TMEM272: variants seen among roughly 807,000 people sequenced by gnomAD.
TMEM272 encodes the protein transmembrane protein 272, also known as long intergenic non-protein coding RNA 282.
TMEM272 carries 8 observed loss-of-function variants against 3.7 expected under a neutral mutation model. The observed-to-expected ratio is 2.17, with a 90% CI of 1.27 to 3.91. The LOEUF (loss-of-function observed/expected upper bound fraction) is 3.91. Among genes scored for constraint, TMEM272 ranks in the 30% most tolerant of loss-of-function variants. The pLI is 0.00. For synonymous variants in TMEM272, 63 were observed against 39.8 expected, an observed-to-expected ratio of 1.58 and a Z score of -2.20; for missense variants, 166 against 91.5, an observed-to-expected ratio of 1.81 and a Z score of -3.32.
At chr13:51,839,382 T>A (rs1593599348) in intron 1 of TMEM272, among the ~76,000 whole-genome samples, 1 of 152,094 alleles carries the variant, frequency 6.6e-6, no homozygotes, top group East Asian at 1.9e-4. Flanking sequence ...TGAGGCTGGG[T>A]GTGCGTAGTT....
chr13:51,865,257 T>C, the TMEM272 span: 1 of 700,492 alleles, frequency 1.4e-6, no homozygotes, highest in Non-Finnish European at 2.3e-6. Context: ...TTTTCTCAAA[T>C]TCAGTAGTAC....
At chr13:51,821,520 A>C (rs1447801476) in intron 4 of TMEM272, among the ~76,000 whole-genome samples, 2 of 152,204 alleles carry the variant, frequency 1.3e-5, no homozygotes. Flanking sequence ...GAATACTTTA[A>C]TAGTTGATTG....
the TMEM272 span, among the ~76,000 whole-genome samples, chr13:51,878,371 G>A: frequency 6.6e-6 from 1 of 152,080 alleles, no homozygotes; most frequent in Non-Finnish European, 1.5e-5. Context: ...CGGAGGTTGC[G>A]GTGAGCCGAG....
chr13:51,848,506 G>C (rs1416057437), upstream of TMEM272, among the ~76,000 whole-genome samples: 2 of 152,086 alleles, frequency 1.3e-5, no homozygotes, highest in Non-Finnish European at 2.9e-5. Context: ...ATAAAAGTGA[G>C]TTCATTCATT....
chr13:51,897,036 T>A, the TMEM272 span, among the ~76,000 whole-genome samples: 1 of 152,172 alleles, frequency 6.6e-6, no homozygotes, highest in Non-Finnish European at 1.5e-5. Context: ...ATAAACTTCA[T>A]GTTCAGGTTG....
the TMEM272 span, among the ~76,000 whole-genome samples, chr13:51,900,174 G>T: frequency 6.6e-6 from 1 of 152,126 alleles, no homozygotes; most frequent in Non-Finnish European, 1.5e-5. Flanking sequence ...ATCTTTTGTG[G>T]TTTAAAGCAC....
the TMEM272 span, among the ~76,000 whole-genome samples, chr13:51,891,646 T>A: frequency 6.6e-6 from 1 of 152,284 alleles, no homozygotes; most frequent in East Asian, 1.9e-4. Flanking sequence ...ATTATTTTCC[T>A]CAGTGACATG....
the TMEM272 span, among the ~76,000 whole-genome samples, chr13:51,888,344 C>A: frequency 6.6e-6 from 1 of 152,288 alleles, no homozygotes; most frequent in African/African-American, 2.4e-5. Flanking sequence ...CTGCGCCCAG[C>A]CTACTTGACT....
the TMEM272 span, among the ~76,000 whole-genome samples, chr13:51,894,942 C>A: frequency 6.6e-6 from 1 of 151,750 alleles, no homozygotes; most frequent in African/African-American, 2.4e-5. Flanking sequence ...GACAGATCAT[C>A]AGGTGTTAGA....
the TMEM272 span, among the ~76,000 whole-genome samples, chr13:51,858,362 T>C: frequency 6.6e-6 from 1 of 152,146 alleles, no homozygotes. Flanking sequence ...TCTTAGCAAA[T>C]TGAAATGATT....
At chr13:51,884,580 C>T in the TMEM272 span, among the ~76,000 whole-genome samples, 1 of 152,178 alleles carries the variant, frequency 6.6e-6, no homozygotes, top group Non-Finnish European at 1.5e-5. Context: ...ACTCCTGACC[C>T]CTCCACCTGA....
At chr13:51,926,690 G>A in the TMEM272 span, among the ~76,000 whole-genome samples, 22 of 152,164 alleles carry the variant, frequency 1.4e-4, 1 homozygote, top group East Asian at 4.1e-3. Context: ...CACGCACAGT[G>A]GGTGGGGACA....
At chr13:51,847,724 T>C (rs1296527951), upstream of TMEM272, among the ~76,000 whole-genome samples, 2 of 152,166 alleles carry the variant, frequency 1.3e-5, no homozygotes, top group Admixed American at 6.5e-5. Flanking sequence ...GGTGGGGGTC[T>C]GGGAGCACAC....
At chr13:51,880,618 A>ATT in the TMEM272 span, among the ~76,000 whole-genome samples, 50,430 of 151,306 alleles carry the variant, frequency 0.33, 8,507 homozygotes, top group East Asian at 0.45. Flanking sequence ...GTAAAATAAA[A>ATT]TAAAAAAATT....
the TMEM272 span, among the ~76,000 whole-genome samples, chr13:51,878,457 A>G: frequency 6.6e-6 from 1 of 151,918 alleles, no homozygotes; most frequent in Non-Finnish European, 1.5e-5. Context: ...AACAAAAACT[A>G]TCAGATCTCA....
At chr13:51,845,858 A>C (rs1956300627), upstream of TMEM272, among the ~76,000 whole-genome samples, 2 of 152,254 alleles carry the variant, frequency 1.3e-5, no homozygotes, top group Non-Finnish European at 2.9e-5. Flanking sequence ...AGGAATCTGC[A>C]GTTTAGACTC....
the TMEM272 span, among the ~76,000 whole-genome samples, chr13:51,929,247 T>C: frequency 0.033 from 5,050 of 152,190 alleles, 243 homozygotes; most frequent in African/African-American, 0.11. Flanking sequence ...GAAGCTCAGA[T>C]GCACATGATG....
chr13:51,841,288 C>T (rs1466748436), intron 1 of TMEM272, among the ~76,000 whole-genome samples: 1 of 152,200 alleles, frequency 6.6e-6, no homozygotes, highest in Non-Finnish European at 1.5e-5. Context: ...GCATTTTTCT[C>T]CTGGATCACA....
the TMEM272 span, among the ~76,000 whole-genome samples, chr13:51,914,142 G>A: frequency 6.6e-6 from 1 of 152,226 alleles, no homozygotes; most frequent in Admixed American, 6.5e-5. Context: ...ACATGCTGCA[G>A]GAAGAAGTCA....
Sources: gnomAD v4.1 joint callset for allele counts (sites outside exome capture counted in the v4.1 genomes callset) on GRCh38, gnomAD v4.1.1 for gene constraint, MANE v1.5 for transcripts, NCBI Gene and HGNC (gene_info 2026-07-23, HGNC 2026-07-21) for gene names.